Variants in PLA2R1 observed in about 807,000 individuals in gnomAD.
PLA2R1 encodes the protein phospholipase A2 receptor 1.
A neutral mutation model predicts 195.9 loss-of-function variants in PLA2R1; 158 were observed. The observed-to-expected ratio is 0.81, with a 90% confidence interval of 0.71 to 0.92. The LOEUF is 0.92. Ranked by LOEUF, PLA2R1 falls within the 40% of genes least tolerant of loss-of-function variation. The pLI, the probability that PLA2R1 is intolerant of heterozygous loss-of-function variation, is 0.00. For synonymous variants in PLA2R1, 586 were observed against 598.2 expected (o/e 0.98, Z 0.30); for missense variants, 1,626 against 1,764.6 (o/e 0.92, Z 1.41).
At chr2:159,965,473 T>C (rs1688727229) in intron 20 of PLA2R1, among the ~76,000 whole-genome samples, 1 of 152,190 alleles carries the variant, frequency 6.6e-6, no homozygotes, top group African/African-American at 2.4e-5. Flanking sequence ...TTTAAAGGCT[T>C]GATAGCTAAT....
Position 159,987,371 on chromosome 2 carries a change from A to AAC in PLA2R1, c.1835-15_1835-14dup, listed in dbSNP as rs757019241. On this transcript the variant is annotated splice_polypyrimidine_tract_variant and intron_variant, in intron 11 of 29. Transcript: ENST00000283243. Reference sequence around the variant, plus strand: ...CCACCACTGTAGCCTAAAAGCAGAAAACAAGCATTTTTAATACCAGACGAC... The same window carrying AAC: ...CCACCACTGTAGCCTAAAAGCAGAAAACACAAGCATTTTTAATACCAGACGAC... 5.0e-6 allele frequency: 8 copies of AAC among 1,598,780 alleles called. No homozygotes were observed. The highest frequency in any genetic ancestry group is 6.8e-6 in the Non-Finnish European group (8 of 1,171,378).
intron 7 of PLA2R1, among the ~76,000 whole-genome samples, chr2:160,020,940 G>T (rs1042054917): frequency 3.9e-5 from 6 of 152,176 alleles, no homozygotes; most frequent in South Asian, 2.1e-4. Context: ...GCCTAAGCAA[G>T]TTGGATTCCT....
intron 3 of PLA2R1, among the ~76,000 whole-genome samples, chr2:160,039,646 C>G (rs1180589627): frequency 6.6e-6 from 1 of 152,080 alleles, no homozygotes; most frequent in Non-Finnish European, 1.5e-5. Context: ...AGGTTTCAAT[C>G]TCCGACACGT....
At chr2:159,987,922 T>TAGAG (rs1370571490) in intron 11 of PLA2R1, among the ~76,000 whole-genome samples, 2 of 151,628 alleles carry the variant, frequency 1.3e-5, no homozygotes, top group African/African-American at 4.8e-5. Context: ...AAGACAGAAT[T>TAGAG]AGAGAGAGAG....
At chr2:160,031,605 G>A (rs990971476) in intron 4 of PLA2R1, among the ~76,000 whole-genome samples, 5 of 152,146 alleles carry the variant, frequency 3.3e-5, no homozygotes, top group South Asian at 4.1e-4. Context: ...GGCACAGAGC[G>A]GTTAAATCAC....
At chr2:159,960,078 T>A (rs1366793097) in intron 20 of PLA2R1, among the ~76,000 whole-genome samples, 1 of 152,212 alleles carries the variant, frequency 6.6e-6, no homozygotes, top group Non-Finnish European at 1.5e-5. Flanking sequence ...AGGCCAGAAG[T>A]CCAACACGGT....
chr2:159,975,422 G>T (rs1689475488), intron 17 of PLA2R1, among the ~76,000 whole-genome samples: 1 of 152,054 alleles, frequency 6.6e-6, no homozygotes, highest in African/African-American at 2.4e-5. Context: ...TTTCTTACTA[G>T]CTTAGTTCTG....
At chr2:159,973,725 C>T in intron 17 of PLA2R1, among the ~76,000 whole-genome samples, 1 of 152,040 alleles carries the variant, frequency 6.6e-6, no homozygotes. Context: ...GTCCCCTGGC[C>T]CTGTTCTCAG....
At chr2:159,960,955 T>C (rs1400452529) in intron 20 of PLA2R1, among the ~76,000 whole-genome samples, 2 of 152,194 alleles carry the variant, frequency 1.3e-5, no homozygotes, top group African/African-American at 4.8e-5. Context: ...AGGTCCATCA[T>C]TGTTATCTCC....
intron 28 of PLA2R1, among the ~76,000 whole-genome samples, chr2:159,943,734 A>T (rs370756941): frequency 1.8e-4 from 27 of 151,910 alleles, no homozygotes; most frequent in African/African-American, 6.3e-4. Context: ...GGTGTTTCTG[A>T]TTTGTTCTTG....
intron 1 of PLA2R1, among the ~76,000 whole-genome samples, chr2:160,046,871 C>T (rs1052713124): frequency 5.9e-5 from 9 of 152,168 alleles, no homozygotes; most frequent in South Asian, 2.1e-4. Flanking sequence ...ATATGGAGTC[C>T]GATAATTAAC....
intron 11 of PLA2R1, among the ~76,000 whole-genome samples, chr2:159,990,210 G>C (rs1438567056): frequency 6.6e-6 from 1 of 152,014 alleles, no homozygotes; most frequent in African/African-American, 2.4e-5. Context: ...TTTTCTTTCA[G>C]AGAAGTTGTT....
intron 11 of PLA2R1, among the ~76,000 whole-genome samples, chr2:159,991,369 A>G (rs1488491840): frequency 6.6e-6 from 1 of 151,156 alleles, no homozygotes; most frequent in East Asian, 1.9e-4. Flanking sequence ...AGCTCTGATG[A>G]GCCTTAAAAT....
chr2:159,977,136 T>C, intron 15 of PLA2R1, 148 bp downstream of exon 15: 2 of 622,028 alleles, frequency 3.2e-6, no homozygotes, highest in Non-Finnish European at 2.7e-6. Context: ...CCTTTTCCCA[T>C]TTCCTATAGA....
At position 160,062,359 on chromosome 2, in the gene PLA2R1, C is replaced by G. The variant is rs1459970511; in HGVS notation, c.45G>C (p.Ala15=). ...CCACACCCTCGGCGCAGCCCCGCGG[C>G]GCCCCCAGCAGCAGCAGCAGCAGCA... ...PSLLLLLLLG[A]PRGCAEGVAA... The change falls in exon 1 of 30, where the codon GCG becomes GCC. Residue 15 remains alanine (A), a synonymous_variant. Transcript: ENST00000283243. The G allele has an allele frequency of 6.5e-7, 1 of 1,536,990 alleles. No individual in the cohort carries two copies. Among genetic ancestry groups the G allele is most frequent in the Non-Finnish European group, 8.8e-7 (1 of 1,141,324 alleles).
intron 27 of PLA2R1, chr2:159,946,578 T>C (rs775779164): frequency 1.4e-4 from 170 of 1,233,686 alleles, no homozygotes; most frequent in Non-Finnish European, 1.6e-4. Flanking sequence ...GATAAACATG[T>C]TATTGTTTGT....
intron 1 of PLA2R1, among the ~76,000 whole-genome samples, chr2:160,059,216 T>C (rs1390258938): frequency 6.6e-6 from 1 of 152,216 alleles, no homozygotes; most frequent in African/African-American, 2.4e-5. Flanking sequence ...CCTCTTTTGT[T>C]CACTGTTGCT....
chr2:159,984,271 A>C (rs138270568), intron 12 of PLA2R1, among the ~76,000 whole-genome samples, 198 bp from the exon 13 acceptor site: 3 of 152,320 alleles, frequency 2.0e-5, no homozygotes, highest in African/African-American at 7.2e-5. Flanking sequence ...TTATCCTCAT[A>C]ACAAATTTCT....
chr2:160,044,971 T>C lies in PLA2R1; in HGVS notation c.296A>G (p.Gln99Arg), dbSNP rs1694768027. Residue 99 changes from glutamine to arginine, a missense_variant, in exon 2 of 30, where the codon CAG becomes CGG. Physicochemically the swap from Gln to Arg is conservative, Grantham distance 43 (BLOSUM62 1). Coordinates refer to ENST00000283243, the MANE Select transcript of PLA2R1 (RefSeq NM_007366.5). ...CLGLNFSAPE[Q>R]PLSLYECDST... ...GTCACATTCATATAAGCTTAATGGC[T>C]GCTCTGGGGCGGAGAAATTCAGGCC... 6.2e-7 allele frequency: 1 copy of C among 1,614,040 alleles called. No homozygotes were observed. Among genetic ancestry groups the C allele is most frequent in the African/African-American group, 1.3e-5 (1 of 74,930 alleles).
Sources: gnomAD v4.1 joint callset for allele counts (sites outside exome capture counted in the v4.1 genomes callset) on GRCh38, gnomAD v4.1.1 for gene constraint, MANE v1.5 for transcripts, NCBI Gene and HGNC (gene_info 2026-07-23, HGNC 2026-07-21) for gene names.